The following NBEA variants were observed in gnomAD, a reference collection of about 807,000 sequenced individuals.
The protein encoded by NBEA is neurobeachin.
Under a neutral mutation model 343.4 loss-of-function variants are expected in NBEA, and 44 were observed. That is an observed-to-expected ratio of 0.13 (90% CI 0.10 to 0.16). The LOEUF (loss-of-function observed/expected upper bound fraction) is 0.16, where lower values mean the gene tolerates loss of function less well. NBEA is among the 10% of genes least tolerant of loss of function. NBEA has a pLI of 1.00. For missense variants in NBEA, 2,555 were observed against 3,631.3 expected, an observed-to-expected ratio of 0.70 and a Z score of 7.62; for synonymous variants, 1,175 against 1,238.7, an observed-to-expected ratio of 0.95 and a Z score of 1.08.
At position 35,181,192 on chromosome 13, in the gene NBEA, A is replaced by G. The variant is rs1027033681; in HGVS notation, c.4663-1168A>G. On this transcript the variant is annotated intron_variant, in intron 28 of 58. Transcript: ENST00000379939. ...CTTTTCCTCTGGGTAAATACCCAGTAGTGGGATTCCGGGATCAAATGATAA... is the reference window on the plus strand; with the variant it reads ...CTTTTCCTCTGGGTAAATACCCAGTGGTGGGATTCCGGGATCAAATGATAA... Among the ~76,000 whole-genome samples, 17 of 152,036 alleles carry G rather than the reference A, an allele frequency of 1.1e-4. 1 individual carries two copies. The highest frequency in any genetic ancestry group is 8.5e-4 in the Admixed American group (13 of 15,212).
intron 36 of NBEA, among the ~76,000 whole-genome samples, chr13:35,334,444 A>G (rs2039124013): frequency 6.6e-6 from 1 of 152,088 alleles, no homozygotes; most frequent in African/African-American, 2.4e-5. Flanking sequence ...TAATGTTTGT[A>G]TTTTTAATAG....
At chr13:35,052,651 A>C (rs1274841954) in intron 6 of NBEA, among the ~76,000 whole-genome samples, 3 of 151,864 alleles carry the variant, frequency 2.0e-5, no homozygotes, top group Admixed American at 1.3e-4. Flanking sequence ...ATATCAGATC[A>C]AAAGTTAGGC....
chr13:35,532,301 A>G (rs2078302637), intron 41 of NBEA, among the ~76,000 whole-genome samples: 1 of 152,166 alleles, frequency 6.6e-6, no homozygotes, highest in South Asian at 2.1e-4. Flanking sequence ...CCTTTCAGGG[A>G]AAGCTGGTTC....
At chr13:35,068,003 G>T (rs1403290383) in intron 8 of NBEA, among the ~76,000 whole-genome samples, 1 of 152,038 alleles carries the variant, frequency 6.6e-6, no homozygotes, top group African/African-American at 2.4e-5. Flanking sequence ...CTCTCAAAGT[G>T]CTAAGATTAC....
chr13:34,952,264 CTGGTAGGGAA>C (rs1408497031), intron 1 of NBEA, among the ~76,000 whole-genome samples: 2 of 152,182 alleles, frequency 1.3e-5, no homozygotes, highest in Non-Finnish European at 2.9e-5. Flanking sequence ...AGTTGATTCT[CTGGTAGGGAA>C]TGTGTCCCAT....
At chr13:35,619,372 C>CG (rs1744618803) in intron 48 of NBEA, among the ~76,000 whole-genome samples, 1 of 152,106 alleles carries the variant, frequency 6.6e-6, no homozygotes, top group African/African-American at 2.4e-5. Context: ...ACTTACCTAT[C>CG]GGGGAAAGTC....
At chr13:35,490,435 A>G (rs1291340936) in intron 41 of NBEA, among the ~76,000 whole-genome samples, 1 of 151,888 alleles carries the variant, frequency 6.6e-6, no homozygotes, top group African/African-American at 2.4e-5. Context: ...TAGACTGATT[A>G]TCAACCAAAG....
intron 41 of NBEA, among the ~76,000 whole-genome samples, chr13:35,544,916 T>G (rs143447763): frequency 1.1e-4 from 17 of 152,334 alleles, no homozygotes; most frequent in Admixed American, 8.5e-4. Context: ...TAGATTTCAT[T>G]GTATATTAAA....
At chr13:35,058,214 C>G (rs1023741926) in intron 7 of NBEA, among the ~76,000 whole-genome samples, 2 of 151,928 alleles carry the variant, frequency 1.3e-5, no homozygotes, top group Non-Finnish European at 2.9e-5. Context: ...ATATGAGAAG[C>G]GATTGATTTT....
chr13:35,099,497 G>A (rs1350947446), intron 11 of NBEA, among the ~76,000 whole-genome samples: 1 of 152,090 alleles, frequency 6.6e-6, no homozygotes, highest in Non-Finnish European at 1.5e-5. Context: ...ACCGCGCCTG[G>A]CCTTAGACTG....
chr13:35,497,184 A>C (rs1013047183), intron 41 of NBEA, among the ~76,000 whole-genome samples: 1 of 152,094 alleles, frequency 6.6e-6, no homozygotes, highest in African/African-American at 2.4e-5. Flanking sequence ...ACTTAAAGTG[A>C]TTCACTCAGG....
intron 35 of NBEA, among the ~76,000 whole-genome samples, chr13:35,308,524 A>ATATATATGTATATATATG (rs2037109034): frequency 1.7e-5 from 2 of 117,614 alleles, no homozygotes; most frequent in Non-Finnish European, 3.5e-5. Context: ...GTATATATGT[A>ATATATATGTATATATATG]TATATATGTA....
intron 45 of NBEA, among the ~76,000 whole-genome samples, chr13:35,572,971 G>A (rs950836347): frequency 6.6e-6 from 1 of 152,186 alleles, no homozygotes; most frequent in African/African-American, 2.4e-5. Context: ...ACTACTAGGT[G>A]TGTTAGTGGT....
At position 35,651,867 on chromosome 13, in the gene NBEA, C is replaced by T; in HGVS notation, c.8026C>T (p.Pro2676Ser). 6.5e-7 allele frequency: 1 copy of T among 1,528,188 alleles called. No individual in the cohort carries two copies. The highest frequency in any genetic ancestry group is 8.9e-7 in the Non-Finnish European group (1 of 1,125,824). 94.7% of individuals were successfully genotyped at this position (1,528,188 alleles called of 1,614,324 possible). Reference sequence around the variant, plus strand: ...CCACCATCTTCCCATTGAAATGGATCCATTAATAGGTATGTTAATAAAAAA... The same window carrying T: ...CCACCATCTTCCCATTGAAATGGATTCATTAATAGGTATGTTAATAAAAAA... ...QAHHLPIEMD[P>S]LIANNSGVNK... The change falls in exon 53 of 59, where the codon CCA becomes TCA. Residue 2676 changes from proline to serine, a missense_variant. By Grantham distance (74) the Pro-to-Ser change is moderately conservative. Transcript: ENST00000379939.
At chr13:35,289,654 G>A (rs1311911497) in intron 34 of NBEA, among the ~76,000 whole-genome samples, 1 of 151,950 alleles carries the variant, frequency 6.6e-6, no homozygotes, top group East Asian at 1.9e-4. Flanking sequence ...ATAATACTAT[G>A]TCACAGAGTA....
At chr13:35,535,719 T>C (rs2078506679) in intron 41 of NBEA, among the ~76,000 whole-genome samples, 1 of 152,198 alleles carries the variant, frequency 6.6e-6, no homozygotes, top group Non-Finnish European at 1.5e-5. Flanking sequence ...ACAAGTGTAT[T>C]GGGAAACTTG....
intron 44 of NBEA, among the ~76,000 whole-genome samples, chr13:35,556,296 G>A (rs1049563918): frequency 6.6e-6 from 1 of 152,006 alleles, no homozygotes; most frequent in African/African-American, 2.4e-5. Flanking sequence ...GCATATTTAA[G>A]TAAATAGCAT....
chr13:35,139,491 A>G (rs2067947518), intron 17 of NBEA, among the ~76,000 whole-genome samples: 1 of 152,196 alleles, frequency 6.6e-6, no homozygotes, highest in African/African-American at 2.4e-5. Flanking sequence ...TGTAAAAAAA[A>G]ATAGATTACA....
At chr13:35,178,147 T>G (rs1371346420) in intron 28 of NBEA, among the ~76,000 whole-genome samples, 4 of 151,654 alleles carry the variant, frequency 2.6e-5, no homozygotes, top group Non-Finnish European at 5.9e-5. Context: ...ACTAAAAATT[T>G]TAAAATGATA....
Sources: allele counts gnomAD v4.1 joint callset (sites outside exome capture counted in the v4.1 genomes callset), GRCh38; gene constraint gnomAD v4.1.1; transcripts MANE v1.5; gene names NCBI Gene and HGNC (gene_info 2026-07-23, HGNC 2026-07-21).